Variants in FRAT2 observed in about 807,000 individuals in gnomAD.
FRAT2 encodes FRAT regulator of Wnt signaling pathway 2.
For synonymous variants in FRAT2, 205 were observed against 171.5 expected, an observed-to-expected ratio of 1.20 and a Z score of -1.53; for missense variants, 326 against 340.8, an observed-to-expected ratio of 0.96 and a Z score of 0.34.
Position 97,334,180 on chromosome 10 carries a change from C to G in FRAT2, c.393G>C (p.Ala131=). ...GCGCGCTGGGGCCTGCGGCGACCTCCGCCACGCAGTAGGGCGCAGCGCGTC... is the reference window on the plus strand; with the variant it reads ...GCGCGCTGGGGCCTGCGGCGACCTCGGCCACGCAGTAGGGCGCAGCGCGTC... The part of the protein sequence containing the change: ...VRGRAAPYCV[A]EVAAGPSALP... The change falls in exon 1 of 1, where the codon GCG becomes GCC. Residue 131 remains alanine (A), a synonymous_variant. Coordinates refer to ENST00000371019, the MANE Select transcript of FRAT2 (RefSeq NM_012083.3). The G allele has an allele frequency of 2.9e-6, 4 of 1,380,278 alleles. No individual in the cohort carries two copies. The highest frequency in any genetic ancestry group is 3.7e-6 in the Non-Finnish European group (4 of 1,076,738). The allele number at this position is 1,380,278 out of a possible 1,614,324, so 85.5% of individuals were successfully genotyped here. A position where few individuals can be genotyped will look rare whatever the true frequency, so the allele number is the denominator to read the frequency against.
In FRAT2 at chr10:97,334,521, C is replaced by A; in HGVS notation, c.52G>T (p.Glu18Ter). Residue 18 changes from glutamate (E) to a stop codon, truncating the protein, a stop_gained, in exon 1 of 1, where the codon GAG (glutamate) becomes TAG (stop). Transcript: ENST00000371019. LOFTEE classifies it low-confidence loss of function (END_TRUNC). Reference sequence around the variant, plus strand: ...AGGAAGCTGTCGTCCTCCTCTTCCTCCCCCTCCGCCTCCTCGCCGGCTTCC... The same window carrying A: ...AGGAAGCTGTCGTCCTCCTCTTCCTACCCCTCCGCCTCCTCGCCGGCTTCC... Reference protein sequence around the residue: ...EEEAGEEAEGEEEEDDSFLLL... With the variant: ...EEEAGEEAEG 1 of 1,494,486 alleles carries A rather than the reference C, an allele frequency of 6.7e-7. No individual in the cohort carries two copies. The highest frequency in any genetic ancestry group is 2.1e-5 in the Admixed American group (1 of 46,604). The allele number at this position is 1,494,486 out of a possible 1,614,324, so 92.6% of individuals were successfully genotyped here.
At position 97,333,715 on chromosome 10, in the gene FRAT2, G is replaced by GT. The variant is rs1843546468; in HGVS notation, c.*155dup. On this transcript the variant is annotated 3_prime_UTR_variant, in exon 1 of 1. Transcript: ENST00000371019. ...TTCTCCGACGGCCTCGCCGCGGCTG[G>GT]TAACTTCTCTGGTTGAGATCTCTCC... is the stretch of plus-strand genomic sequence containing the variant. 2.7e-6 allele frequency: 2 copies of GT among 750,938 alleles called. No individual in the cohort carries two copies. The highest frequency in any genetic ancestry group is 1.8e-5 in the African/African-American group (1 of 54,668). 46.5% of individuals were successfully genotyped at this position (750,938 alleles called of 1,614,324 possible). A position where few individuals can be genotyped will look rare whatever the true frequency, so the allele number is the denominator to read the frequency against.
chr10:97,334,527 C>T lies in FRAT2; in HGVS notation c.46G>A (p.Glu16Lys). The T allele has an allele frequency of 6.7e-7, 1 of 1,494,758 alleles. No homozygotes were observed. The highest frequency in any genetic ancestry group is 1.2e-5 in the South Asian group (1 of 80,394). 92.6% of individuals were successfully genotyped at this position (1,494,758 alleles called of 1,614,324 possible). A position where few individuals can be genotyped will look rare whatever the true frequency, so the allele number is the denominator to read the frequency against. The change falls in exon 1 of 1, where the codon GAG becomes AAG. Residue 16 changes from glutamate to lysine, a missense_variant. By Grantham distance (56) the Glu-to-Lys change is moderately conservative (BLOSUM62 1). Transcript: ENST00000371019. ...CTGTCGTCCTCCTCTTCCTCCCCCT[C>T]CGCCTCCTCGCCGGCTTCCTCTTCC... is the stretch of plus-strand genomic sequence containing the variant. ...EEEEEAGEEAEGEEEEDDSFL... is the reference protein window; with the variant it reads ...EEEEEAGEEAKGEEEEDDSFL...
chr10:97,333,929 C>G lies in FRAT2; in HGVS notation c.644G>C (p.Gly215Ala), dbSNP rs749714139. The stretch of plus-strand genomic sequence containing the variant: ...GCGGTCAGGTCCGCTGCGGCCTCCC[C>G]CGGGCCCAGGGGCGCTTGCGGGGCC... ...ATGPASAPGP[G>A]GGRSGPDRIA... is the part of the protein sequence containing the mutation. Residue 215 changes from glycine to alanine, a missense_variant, in exon 1 of 1, where the codon GGG becomes GCG. Physicochemically the swap from Gly to Ala is moderately conservative, Grantham distance 60 (BLOSUM62 0). Transcript: ENST00000371019. 1.0e-5 allele frequency: 16 copies of G among 1,573,264 alleles called. No individual in the cohort carries two copies. The highest frequency in any genetic ancestry group is 1.2e-5 in the Non-Finnish European group (14 of 1,166,770).
In FRAT2 at chr10:97,333,922, G is replaced by T; in HGVS notation, c.651C>A (p.Gly217=). 6.4e-7 allele frequency: 1 copy of T among 1,571,256 alleles called. No individual in the cohort carries two copies. Reference sequence around the variant, plus strand: ...GGGCAATGCGGTCAGGTCCGCTGCGGCCTCCCCCGGGCCCAGGGGCGCTTG... The same window carrying T: ...GGGCAATGCGGTCAGGTCCGCTGCGTCCTCCCCCGGGCCCAGGGGCGCTTG... The part of the protein sequence containing the change: ...GPASAPGPGG[G]RSGPDRIALQ... Residue 217 remains glycine (G), a synonymous_variant, in exon 1 of 1, where the codon GGC becomes GGA. Coordinates refer to ENST00000371019, the MANE Select transcript of FRAT2 (RefSeq NM_012083.3).
At position 97,334,695 on chromosome 10, in the gene FRAT2, T is replaced by C; in HGVS notation, c.-123A>G. On this transcript the variant is annotated 5_prime_UTR_variant, in exon 1 of 1. Transcript: ENST00000371019. ...GCGGAAGCCGGAGCCCGCCAGGCAC[T>C]CGAGCCACGCGCCTGCAGCCGCTGG... 1.7e-6 allele frequency: 2 copies of C among 1,158,806 alleles called. No individual in the cohort carries two copies. Among genetic ancestry groups the C allele is most frequent in the Non-Finnish European group, 1.1e-6 (1 of 904,110 alleles). 71.8% of individuals were successfully genotyped at this position (1,158,806 alleles called of 1,614,324 possible). A position where few individuals can be genotyped will look rare whatever the true frequency, so the allele number is the denominator to read the frequency against.
rs552240588 is a variant in FRAT2 at position 97,333,788 on chromosome 10, T to C, written c.*83A>G. ...AGTGGTCGCTCCCAGGCTGGCGACG[T>C]CGGCTTCAGCTCAGAGTTAGTAGGA... On this transcript the variant is annotated 3_prime_UTR_variant, in exon 1 of 1. Transcript: ENST00000371019. The C allele has an allele frequency of 2.4e-5, 33 of 1,350,500 alleles. No homozygotes were observed. The South Asian group carries it at 4.7e-4, about 19-fold the overall frequency. The allele number at this position is 1,350,500 out of a possible 1,614,324, so 83.7% of individuals were successfully genotyped here. A position where few individuals can be genotyped will look rare whatever the true frequency, so the allele number is the denominator to read the frequency against.
In FRAT2 at chr10:97,334,051, G is replaced by A. The variant is rs1237593158; in HGVS notation, c.522C>T (p.Asp174=). The A allele has an allele frequency of 1.3e-6, 2 of 1,595,596 alleles. No individual in the cohort carries two copies. The highest frequency in any genetic ancestry group is 4.5e-5 in the East Asian group (2 of 44,768). Residue 174 remains aspartate, a synonymous_variant, in exon 1 of 1, where the codon GAC becomes GAT. Transcript: ENST00000371019. ...CGAGCTGCTGGAGGAGCCGATGCGG[G>A]TCGTCGTCGCCGGCGCGTGCCCCGG... ...TQAGARAGDD[D]PHRLLQQLVL...
At position 97,333,594 on chromosome 10, in the gene FRAT2, T is replaced by C. The variant is rs2134972377; in HGVS notation, c.*277A>G. ...TCGATGCAAGTAGCTGCCATAGTTC[T>C]CCCAGTTTATCCCAGGTCCTTGGGC... On this transcript the variant is annotated 3_prime_UTR_variant, in exon 1 of 1. Coordinates refer to ENST00000371019, the MANE Select transcript of FRAT2 (RefSeq NM_012083.3). The C allele has an allele frequency of 2.5e-6, 1 of 402,802 alleles. No individual in the cohort carries two copies. Among genetic ancestry groups the C allele is most frequent in the Non-Finnish European group, 4.4e-6 (1 of 226,442 alleles). 25.0% of individuals were successfully genotyped at this position (402,802 alleles called of 1,614,324 possible).
rs1352566007 is a variant in FRAT2, at chr10:97,334,024, C to G, written c.549G>C (p.Val183=). ...DDPHRLLQQL[V]LSGNLIKEAV... is the part of the protein sequence containing the mutation. ...CTTCCTTGATGAGGTTTCCCGAGAG[C>G]ACGAGCTGCTGGAGGAGCCGATGCG... The change falls in exon 1 of 1, where the codon GTG becomes GTC. Residue 183 remains valine (V), a synonymous_variant. Coordinates refer to ENST00000371019, the MANE Select transcript of FRAT2 (RefSeq NM_012083.3). 1 of 1,595,970 alleles carries G rather than the reference C, an allele frequency of 6.3e-7. No homozygotes were observed. The highest frequency in any genetic ancestry group is 1.1e-5 in the South Asian group (1 of 90,640).
rs1589397498 is a variant in FRAT2, at chr10:97,333,879, A to G, written c.694T>C (p.Leu232=). The change falls in exon 1 of 1, where the codon TTG becomes CTG. Residue 232 remains leucine (L), a synonymous_variant. Coordinates refer to ENST00000371019, the MANE Select transcript of FRAT2 (RefSeq NM_012083.3). ...DRIALQPSGS[L]L is the part of the protein sequence containing the mutation. ...CCTCCAGGAGGCCTGCGTCAGAGCA[A>G]GGAGCCTGAGGGCTGCAGGGCAATG... 8.5e-6 allele frequency: 13 copies of G among 1,526,746 alleles called. No homozygotes were observed. In the East Asian group the frequency reaches 1.7e-4, roughly 20 times the overall value. The allele number at this position is 1,526,746 out of a possible 1,614,324, so 94.6% of individuals were successfully genotyped here. A position where few individuals can be genotyped will look rare whatever the true frequency, so the allele number is the denominator to read the frequency against.
In FRAT2 at chr10:97,333,873, A is replaced by C. The variant is rs753727969; in HGVS notation, c.700T>G (p.Ter234GlyextTer22). The stretch of plus-strand genomic sequence containing the variant: ...CTTCCTCCTCCAGGAGGCCTGCGTC[A>C]GAGCAAGGAGCCTGAGGGCTGCAGG... ...IALQPSGSLL[*>G] The change falls in exon 1 of 1, where the codon TGA (stop) becomes GGA (glycine). Residue 234 changes from the stop codon to glycine, a stop_lost. Coordinates refer to ENST00000371019, the MANE Select transcript of FRAT2 (RefSeq NM_012083.3). 2.6e-6 allele frequency: 4 copies of C among 1,513,892 alleles called. No homozygotes were observed. Among genetic ancestry groups the C allele is most frequent in the Non-Finnish European group, 3.5e-6 (4 of 1,134,688 alleles). The allele number at this position is 1,513,892 out of a possible 1,614,324, so 93.8% of individuals were successfully genotyped here. A position where few individuals can be genotyped will look rare whatever the true frequency, so the allele number is the denominator to read the frequency against.
In FRAT2 at chr10:97,334,656, G is replaced by C. The variant is rs1427098044; in HGVS notation, c.-84C>G. The C allele has an allele frequency of 3.1e-6, 4 of 1,285,078 alleles. No individual in the cohort carries two copies. The highest frequency in any genetic ancestry group is 3.1e-5 in the African/African-American group (2 of 64,460). The allele number at this position is 1,285,078 out of a possible 1,614,324, so 79.6% of individuals were successfully genotyped here. On this transcript the variant is annotated 5_prime_UTR_variant, in exon 1 of 1. Coordinates refer to ENST00000371019, the MANE Select transcript of FRAT2 (RefSeq NM_012083.3). ...GGGCGCGGAGCTGCGGGCGAAGCCG[G>C]AGCAGGGGCGGACGCGGAAGCCGGA... is the stretch of plus-strand genomic sequence containing the variant.
chr10:97,334,202 C>T lies in FRAT2; in HGVS notation c.371G>A (p.Arg124His), dbSNP rs1589397760. The T allele has an allele frequency of 1.6e-6, 2 of 1,273,448 alleles. No homozygotes were observed. Among genetic ancestry groups the T allele is most frequent in the East Asian group, 6.5e-5 (2 of 30,958 alleles). 78.9% of individuals were successfully genotyped at this position (1,273,448 alleles called of 1,614,324 possible). A position where few individuals can be genotyped will look rare whatever the true frequency, so the allele number is the denominator to read the frequency against. The change falls in exon 1 of 1, where the codon CGC becomes CAC. Residue 124 changes from arginine to histidine, a missense_variant. Physicochemically the swap from Arg to His is conservative, Grantham distance 29. Transcript: ENST00000371019. ...CTCCGCCACGCAGTAGGGCGCAGCGCGTCCGCGCACGCGGCCGCGGTCCCC... is the reference window on the plus strand; with the variant it reads ...CTCCGCCACGCAGTAGGGCGCAGCGTGTCCGCGCACGCGGCCGCGGTCCCC... ...ALGDRGRVRGRAAPYCVAEVA... is the reference protein window; with the variant it reads ...ALGDRGRVRGHAAPYCVAEVA...
chr10:97,333,800 C>T lies in FRAT2; in HGVS notation c.*71G>A. On this transcript the variant is annotated 3_prime_UTR_variant, in exon 1 of 1. Coordinates refer to ENST00000371019, the MANE Select transcript of FRAT2 (RefSeq NM_012083.3). The stretch of plus-strand genomic sequence containing the variant: ...CAGGCTGGCGACGTCGGCTTCAGCT[C>T]AGAGTTAGTAGGAACTGGACGCTGT... 7.3e-7 allele frequency: 1 copy of T among 1,374,066 alleles called. No homozygotes were observed. The highest frequency in any genetic ancestry group is 9.4e-7 in the Non-Finnish European group (1 of 1,063,572). 85.1% of individuals were successfully genotyped at this position (1,374,066 alleles called of 1,614,324 possible). A position where few individuals can be genotyped will look rare whatever the true frequency, so the allele number is the denominator to read the frequency against.
In FRAT2 at chr10:97,333,865, C is replaced by T. The variant is rs569177218; in HGVS notation, c.*6G>A. ...GGCCTCCACTTCCTCCTCCAGGAGG[C>T]CTGCGTCAGAGCAAGGAGCCTGAGG... On this transcript the variant is annotated 3_prime_UTR_variant, in exon 1 of 1. Coordinates refer to ENST00000371019, the MANE Select transcript of FRAT2 (RefSeq NM_012083.3). The T allele has an allele frequency of 1.9e-4, 287 of 1,500,962 alleles. 5 individuals are homozygous for T. The South Asian group carries it at 3.6e-3, about 19-fold the overall frequency. 93.0% of individuals were successfully genotyped at this position (1,500,962 alleles called of 1,614,324 possible).
In FRAT2 at chr10:97,334,194, G is replaced by C; in HGVS notation, c.379C>G (p.Pro127Ala). Residue 127 changes from proline (P) to alanine (A), a missense_variant, in exon 1 of 1, where the codon CCC becomes GCC. Transcript: ENST00000371019. ...GCGGCGACCTCCGCCACGCAGTAGG[G>C]CGCAGCGCGTCCGCGCACGCGGCCG... ...DRGRVRGRAA[P>A]YCVAEVAAGP... 2 of 1,286,954 alleles carry C rather than the reference G, an allele frequency of 1.6e-6. No homozygotes were observed. Among genetic ancestry groups the C allele is most frequent in the African/African-American group, 1.6e-5 (1 of 64,326 alleles). 79.7% of individuals were successfully genotyped at this position (1,286,954 alleles called of 1,614,324 possible).
chr10:97,334,256 G>C lies in FRAT2; in HGVS notation c.317C>G (p.Ala106Gly). 1 of 1,188,814 alleles carries C rather than the reference G, an allele frequency of 8.4e-7. No homozygotes were observed. The highest frequency in any genetic ancestry group is 1.0e-6 in the Non-Finnish European group (1 of 961,348). 73.6% of individuals were successfully genotyped at this position (1,188,814 alleles called of 1,614,324 possible). A position where few individuals can be genotyped will look rare whatever the true frequency, so the allele number is the denominator to read the frequency against. Residue 106 changes from alanine to glycine, a missense_variant, in exon 1 of 1, where the codon GCG (alanine) becomes GGG (glycine). Ala to Gly is a moderately conservative substitution (Grantham distance 60). Transcript: ENST00000371019. ...GGCGCAGCGCAGGGCCCCAGAGGGC[G>C]CCGGGCCCACCGTCTCAGCCGAAGC... ...PPASAETVGP[A>G]PSGALRCALG...
chr10:97,332,880 A>G lies in FRAT2; in HGVS notation c.*991T>C, dbSNP rs1296778577. The G allele has an allele frequency of 6.6e-6, 1 of 152,234 alleles. No individual in the cohort carries two copies. The highest frequency in any genetic ancestry group is 2.4e-5 in the African/African-American group (1 of 41,452). The allele number at this position is 152,234 out of a possible 1,614,324, so 9.4% of individuals were successfully genotyped here. ...GAAAAACGTCCAGGGTCTCTCATGC[A>G]TTCCTATAGACACCAGAAAGGGTGG... On this transcript the variant is annotated 3_prime_UTR_variant, in exon 1 of 1. Coordinates refer to ENST00000371019, the MANE Select transcript of FRAT2 (RefSeq NM_012083.3).
Sources: gnomAD v4.1 joint callset for allele counts on GRCh38, gnomAD v4.1.1 for gene constraint, MANE v1.5 for transcripts, NCBI Gene and HGNC (gene_info 2026-07-23, HGNC 2026-07-21) for gene names.